The following EXOC4 variants were observed in gnomAD, a reference collection of about 807,000 sequenced individuals.
EXOC4 encodes SEC8-like 1.
EXOC4 carries 71 observed loss-of-function variants against 107.2 expected under a neutral mutation model. The ratio of observed to expected loss-of-function variants is 0.66; its 90% CI spans 0.55 to 0.81. The LOEUF is 0.81. EXOC4 is among the 30% of genes least tolerant of loss of function. The pLI, the probability that EXOC4 is intolerant of heterozygous loss-of-function variation, is 0.00. For synonymous variants in EXOC4, 456 were observed against 441.2 expected (o/e 1.03, Z -0.42); for missense variants, 1,108 against 1,189.6 (o/e 0.93, Z 1.01).
intron 10 of EXOC4, among the ~76,000 whole-genome samples, chr7:133,810,180 G>A (rs1417643869): frequency 6.6e-6 from 1 of 152,132 alleles, no homozygotes; most frequent in African/African-American, 2.4e-5. Context: ...TGCTGTCATT[G>A]CAGCTTCTAC....
At chr7:134,070,101 T>C (rs1796252193), downstream of EXOC4, among the ~76,000 whole-genome samples, 1 of 152,192 alleles carries the variant, frequency 6.6e-6, no homozygotes, top group African/African-American at 2.4e-5. Context: ...GCGATTGTCT[T>C]AATGTGGCAG....
intron 7 of EXOC4, among the ~76,000 whole-genome samples, chr7:133,387,558 TATC>T (rs1477041548): frequency 6.6e-6 from 1 of 152,178 alleles, no homozygotes; most frequent in African/African-American, 2.4e-5. Context: ...GAAACAATTA[TATC>T]ATCATGTTAA....
chr7:133,967,158 G>T (rs191497027), intron 14 of EXOC4, among the ~76,000 whole-genome samples: 2 of 152,238 alleles, frequency 1.3e-5, no homozygotes, highest in East Asian at 3.9e-4. Flanking sequence ...ATTTCTGTGG[G>T]ATCAGTGGTA....
chr7:133,814,632 C>T (rs1218369149), intron 10 of EXOC4, among the ~76,000 whole-genome samples: 2 of 152,154 alleles, frequency 1.3e-5, no homozygotes, highest in Non-Finnish European at 2.9e-5. Context: ...CTATTTTTCA[C>T]TCATGTCAGT....
intron 1 of EXOC4, among the ~76,000 whole-genome samples, chr7:133,268,187 A>G (rs1793780055): frequency 6.6e-6 from 1 of 152,192 alleles, no homozygotes; most frequent in Non-Finnish European, 1.5e-5. Context: ...CAGAAAAGTT[A>G]AGTCACTTAC....
chr7:134,073,375 C>A, the EXOC4 span, among the ~76,000 whole-genome samples: 311 of 152,074 alleles, frequency 2.0e-3, no homozygotes, highest in Middle Eastern at 0.01. Context: ...TCAGCCCCCT[C>A]CCCACACATG....
intron 17 of EXOC4, among the ~76,000 whole-genome samples, chr7:134,022,170 A>G (rs749266294): frequency 1.1e-4 from 16 of 152,118 alleles, no homozygotes; most frequent in Non-Finnish European, 2.4e-4. Context: ...TCTCTGTTCT[A>G]TGTGTGTGGC....
intron 11 of EXOC4, among the ~76,000 whole-genome samples, chr7:133,868,776 C>G (rs1383929280): frequency 6.6e-6 from 1 of 152,098 alleles, no homozygotes; most frequent in Non-Finnish European, 1.5e-5. Flanking sequence ...TTTGTTTTCT[C>G]CCTTCTGTTC....
chr7:133,779,669 T>A (rs1796419242), intron 10 of EXOC4, among the ~76,000 whole-genome samples: 1 of 152,128 alleles, frequency 6.6e-6, no homozygotes, highest in East Asian at 1.9e-4. Context: ...TAGGGGTTTG[T>A]AAAATGCACC....
intron 7 of EXOC4, among the ~76,000 whole-genome samples, chr7:133,401,850 CTATT>C (rs1481683738): frequency 6.6e-6 from 1 of 151,854 alleles, no homozygotes; most frequent in African/African-American, 2.4e-5. Context: ...AATAGATGTG[CTATT>C]TATTAATATT....
chr7:133,778,879 C>G (rs1796403226), intron 10 of EXOC4, among the ~76,000 whole-genome samples: 1 of 152,162 alleles, frequency 6.6e-6, no homozygotes, highest in African/African-American at 2.4e-5. Context: ...TGGGCTGCAT[C>G]AGAGATTTTT....
At chr7:133,758,723 T>C (rs1276435070) in intron 10 of EXOC4, among the ~76,000 whole-genome samples, 1 of 152,236 alleles carries the variant, frequency 6.6e-6, no homozygotes, top group Non-Finnish European at 1.5e-5. Context: ...TGAAAGTGTG[T>C]ATGTGTACAT....
At chr7:133,920,644 A>G (rs139936696) in intron 13 of EXOC4, among the ~76,000 whole-genome samples, 2 of 152,364 alleles carry the variant, frequency 1.3e-5, no homozygotes, top group African/African-American at 4.8e-5. Flanking sequence ...TCCATAAGCT[A>G]GAATCATTGA....
At chr7:133,992,125 A>G (rs1450991927) in intron 14 of EXOC4, among the ~76,000 whole-genome samples, 3 of 151,840 alleles carry the variant, frequency 2.0e-5, no homozygotes, top group Non-Finnish European at 4.4e-5. Flanking sequence ...TGTGTCTTCA[A>G]TTTCTTTCAT....
intron 10 of EXOC4, among the ~76,000 whole-genome samples, chr7:133,815,881 C>T (rs1022720059): frequency 2.0e-5 from 3 of 152,236 alleles, no homozygotes; most frequent in African/African-American, 7.2e-5. Context: ...TCAAATTTCA[C>T]TTCCAGTGTT....
intron 10 of EXOC4, among the ~76,000 whole-genome samples, chr7:133,715,394 G>T (rs1229582585): frequency 6.6e-6 from 1 of 151,980 alleles, no homozygotes; most frequent in South Asian, 2.1e-4. Context: ...AAACCTGACT[G>T]CAGACCACAA....
chr7:133,518,174 T>C lies in EXOC4; in HGVS notation c.1417+38036T>C, dbSNP rs375491980. Among the ~76,000 whole-genome samples the C allele has an allele frequency of 7.2e-5, 11 of 152,168 alleles. No individual in the cohort carries two copies. The East Asian group carries it at 1.9e-3, about 27-fold the overall frequency. On this transcript the variant is annotated intron_variant, in intron 9 of 17. Coordinates refer to ENST00000253861, the MANE Select transcript of EXOC4 (RefSeq NM_021807.4). ...CATCATATTTGCTAGTATCCTGTAG[T>C]TTAACCCAGATTTGATGGGTGGAGA...
At chr7:134,075,788 T>G in the EXOC4 span, among the ~76,000 whole-genome samples, 1 of 152,112 alleles carries the variant, frequency 6.6e-6, no homozygotes, top group Non-Finnish European at 1.5e-5. Flanking sequence ...CAAAGCCATT[T>G]AATTACCTGT....
rs760134413 is a variant in EXOC4 at position 133,811,026 on chromosome 7, T to C, written c.1515-6299T>C. 5.6e-4 allele frequency among the ~76,000 whole-genome samples: 85 copies of C among 152,262 alleles called. No homozygotes were observed. The Middle Eastern group carries it at 0.02, about 37-fold the overall frequency. On this transcript the variant is annotated intron_variant, in intron 10 of 17. Coordinates refer to ENST00000253861, the MANE Select transcript of EXOC4 (RefSeq NM_021807.4). ...TTCTCCTACTTTACAACCTTAAGTT[T>C]AGGAGGCTGATCTGAATAAGGGTCC...
Sources: allele counts gnomAD v4.1 joint callset (sites outside exome capture counted in the v4.1 genomes callset), GRCh38; gene constraint gnomAD v4.1.1; transcripts MANE v1.5; gene names NCBI Gene and HGNC (gene_info 2026-07-23, HGNC 2026-07-21).